The following KCNMB4 variants were observed in gnomAD, a reference collection of about 807,000 sequenced individuals.
The protein encoded by KCNMB4 is potassium calcium-activated channel subfamily M regulatory beta subunit 4.
In KCNMB4, 3 loss-of-function variants were observed where a neutral mutation model predicts 20.7. The ratio of observed to expected loss-of-function variants is 0.14; its 90% confidence interval spans 0.07 to 0.37. KCNMB4 has a LOEUF of 0.37. KCNMB4 is among the 10% of genes least tolerant of loss of function. The pLI is 1.00. For missense variants in KCNMB4, 168 were observed against 265.9 expected, an observed-to-expected ratio of 0.63 and a Z score of 2.56; for synonymous variants, 110 against 113.4, an observed-to-expected ratio of 0.97 and a Z score of 0.19.
At chr12:70,393,062 A>G (rs1203848945) in intron 1 of KCNMB4, among the ~76,000 whole-genome samples, 1 of 152,192 alleles carries the variant, frequency 6.6e-6, no homozygotes, top group Non-Finnish European at 1.5e-5. Context: ...ACAAATGTTT[A>G]TAGGCCCTGT....
chr12:70,378,068 G>C (rs1038247056), intron 1 of KCNMB4, among the ~76,000 whole-genome samples: 3 of 151,516 alleles, frequency 2.0e-5, no homozygotes, highest in Non-Finnish European at 4.4e-5. Context: ...TCCTGCGTCA[G>C]CCTCCTGAGT....
At chr12:70,373,218 T>G (rs1337111341) in intron 1 of KCNMB4, among the ~76,000 whole-genome samples, 2 of 152,206 alleles carry the variant, frequency 1.3e-5, no homozygotes, top group African/African-American at 4.8e-5. Context: ...TGTAAGTGTC[T>G]TATGTCACAT....
intron 2 of KCNMB4, among the ~76,000 whole-genome samples, chr12:70,410,842 G>A (rs534644087): frequency 1.3e-5 from 2 of 152,258 alleles, no homozygotes; most frequent in Non-Finnish European, 2.9e-5. Context: ...TGTTAAATAT[G>A]TTGTACTCCT....
intron 1 of KCNMB4, among the ~76,000 whole-genome samples, chr12:70,379,549 T>A (rs1013222505): frequency 1.3e-5 from 2 of 152,134 alleles, no homozygotes; most frequent in African/African-American, 4.8e-5. Flanking sequence ...CCCAAGTAGC[T>A]AGGACTACAG....
At chr12:70,415,672 C>T (rs1456030179) in intron 2 of KCNMB4, among the ~76,000 whole-genome samples, 1 of 152,214 alleles carries the variant, frequency 6.6e-6, no homozygotes, top group Non-Finnish European at 1.5e-5. Flanking sequence ...TTCATGTCTG[C>T]TGAAAAGATA....
chr12:70,424,053 A>G (rs557736013), intron 2 of KCNMB4, among the ~76,000 whole-genome samples: 1 of 152,330 alleles, frequency 6.6e-6, no homozygotes, highest in Admixed American at 6.5e-5. Context: ...TACCTAACTT[A>G]GTAGGGAAAA....
chr12:70,403,145 T>C (rs537128511), intron 2 of KCNMB4, among the ~76,000 whole-genome samples: 2 of 68,632 alleles, frequency 2.9e-5, no homozygotes, highest in South Asian at 4.5e-4. Flanking sequence ...AAAATGCCAA[T>C]GAAAAGGTTG....
intron 2 of KCNMB4, among the ~76,000 whole-genome samples, chr12:70,418,278 A>G (rs1052979655): frequency 2.6e-5 from 4 of 152,120 alleles, no homozygotes; most frequent in Non-Finnish European, 5.9e-5. Context: ...TCTCACACCC[A>G]CGTTGCAAGT....
At chr12:70,393,813 C>T (rs990349261) in intron 1 of KCNMB4, among the ~76,000 whole-genome samples, 9 of 138,484 alleles carry the variant, frequency 6.5e-5, no homozygotes, top group African/African-American at 2.0e-4. Context: ...CATTTTCCAA[C>T]GCCATCTCCT....
At chr12:70,375,574 G>C (rs542431057) in intron 1 of KCNMB4, among the ~76,000 whole-genome samples, 1 of 152,160 alleles carries the variant, frequency 6.6e-6, no homozygotes, top group Non-Finnish European at 1.5e-5. Flanking sequence ...AGGAGGTCAA[G>C]GCTGCAGTAA....
chr12:70,384,873 C>CAAAAAAAAAA (rs57306622), intron 1 of KCNMB4, among the ~76,000 whole-genome samples: 41 of 74,252 alleles, frequency 5.5e-4, no homozygotes, highest in African/African-American at 1.0e-3. Flanking sequence ...GACCCTGTCT[C>CAAAAAAAAAA]AAAAAAAAAA....
In KCNMB4 at chr12:70,430,717, C is replaced by A; in HGVS notation, c.*64C>A. On this transcript the variant is annotated 3_prime_UTR_variant, in exon 3 of 3. Coordinates refer to ENST00000258111, the MANE Select transcript of KCNMB4 (RefSeq NM_014505.6). Reference sequence around the variant, plus strand: ...GTACTCATCGGCACGCGTCCACCTGCGGAACCTGTGTTTCCTGGCGCAGGA... The same window carrying A: ...GTACTCATCGGCACGCGTCCACCTGAGGAACCTGTGTTTCCTGGCGCAGGA... 6.9e-7 allele frequency: 1 copy of A among 1,451,472 alleles called. No homozygotes were observed. 89.9% of individuals were successfully genotyped at this position (1,451,472 alleles called of 1,614,324 possible). A position where few individuals can be genotyped will look rare whatever the true frequency, so the allele number is the denominator to read the frequency against.
At chr12:70,424,887 T>C (rs982310875) in intron 2 of KCNMB4, among the ~76,000 whole-genome samples, 4 of 152,230 alleles carry the variant, frequency 2.6e-5, no homozygotes, top group East Asian at 1.9e-4. Flanking sequence ...TCTGCTGCTC[T>C]CTTGGCAAGG....
intron 1 of KCNMB4, among the ~76,000 whole-genome samples, chr12:70,391,309 TA>T (rs1356487121): frequency 8.2e-5 from 11 of 133,956 alleles, no homozygotes; most frequent in Admixed American, 4.1e-4. Context: ...TATTTATTAT[TA>T]TTTTTTTTTA....
intron 1 of KCNMB4, among the ~76,000 whole-genome samples, chr12:70,370,732 C>A (rs1883578058): frequency 6.8e-6 from 1 of 147,580 alleles, no homozygotes; most frequent in African/African-American, 2.5e-5. Flanking sequence ...AACTTGATTC[C>A]AGACATTTGC....
intron 1 of KCNMB4, among the ~76,000 whole-genome samples, chr12:70,391,712 A>T (rs1214116889): frequency 6.6e-6 from 1 of 152,214 alleles, no homozygotes; most frequent in Non-Finnish European, 1.5e-5. Flanking sequence ...ATTATGGGCC[A>T]GTTTGGGTTT....
intron 2 of KCNMB4, among the ~76,000 whole-genome samples, chr12:70,423,047 T>G (rs1472519713): frequency 2.0e-5 from 3 of 152,196 alleles, no homozygotes; most frequent in African/African-American, 7.2e-5. Flanking sequence ...AATGATAGTT[T>G]GTGGGATAAG....
chr12:70,383,130 C>A (rs1158697053), intron 1 of KCNMB4, among the ~76,000 whole-genome samples: 1 of 152,192 alleles, frequency 6.6e-6, no homozygotes, highest in Non-Finnish European at 1.5e-5. Flanking sequence ...ACTGAAATGT[C>A]ATTATTCAGC....
chr12:70,422,542 A>T (rs1296687803), intron 2 of KCNMB4, among the ~76,000 whole-genome samples: 1 of 152,240 alleles, frequency 6.6e-6, no homozygotes, highest in Non-Finnish European at 1.5e-5. Flanking sequence ...AGAATATCTA[A>T]CTAGGTTGAA....
Sources: gnomAD v4.1 joint callset for allele counts (sites outside exome capture counted in the v4.1 genomes callset) on GRCh38, gnomAD v4.1.1 for gene constraint, MANE v1.5 for transcripts, NCBI Gene and HGNC (gene_info 2026-07-23, HGNC 2026-07-21) for gene names.